R3HDM2: variants seen among roughly 807,000 people sequenced by gnomAD.
R3HDM2 encodes R3H domain-containing protein 2.
Under a neutral mutation model 124.5 loss-of-function variants are expected in R3HDM2, and 38 were observed. The ratio of observed to expected loss-of-function variants is 0.31; its 90% CI spans 0.24 to 0.40. The LOEUF (loss-of-function observed/expected upper bound fraction) is 0.40, where lower values mean the gene tolerates loss of function less well. Among genes scored for constraint, R3HDM2 ranks in the 10% least tolerant of loss-of-function variants. R3HDM2 has a pLI of 1.00. For synonymous variants in R3HDM2, 391 were observed against 448.0 expected (o/e 0.87, Z 1.61); for missense variants, 869 against 1,236.9 (o/e 0.70, Z 4.46).
In R3HDM2 at chr12:57,296,597, G is replaced by A. The variant is rs2049935321; in HGVS notation, c.561-46C>T. On this transcript the variant is annotated intron_variant, in intron 8 of 23. Coordinates refer to ENST00000402412, the MANE Select transcript of R3HDM2 (RefSeq NM_001394031.1). This position sits in a 1 kb window ranked among gnomAD's most constrained non-coding sequence, Gnocchi z 4.5. ...AAAAAGTGAAATAAGACAAACAACT[G>A]CAATAACAACCAATTTTAATTTTTC... is the stretch of plus-strand genomic sequence containing the variant. 2 of 1,528,230 alleles carry A rather than the reference G, an allele frequency of 1.3e-6. No individual in the cohort carries two copies. The highest frequency in any genetic ancestry group is 2.4e-5 in the South Asian group (2 of 82,310). 94.7% of individuals were successfully genotyped at this position (1,528,230 alleles called of 1,614,324 possible).
chr12:57,298,057 C>A, intron 7 of R3HDM2, 33 bp downstream of exon 7: 1 of 1,474,506 alleles, frequency 6.8e-7, no homozygotes, highest in Non-Finnish European at 9.3e-7. Flanking sequence ...TATCCCCTAA[C>A]CCCTTTTCCT....
Position 57,254,501 on chromosome 12 carries a change from CAAAA to C in R3HDM2, c.*268_*271del, listed in dbSNP as rs67514723. ...GGGTGACAAGAGCGAAACTCCGTCTCAAAAAAAAAAAAAAAAAAAAAAAGAAGAG... is the reference window on the plus strand; with the variant it reads ...GGGTGACAAGAGCGAAACTCCGTCTCAAAAAAAAAAAAAAAAAAAGAAGAG... On this transcript the variant is annotated 3_prime_UTR_variant, in exon 24 of 24. Transcript: ENST00000402412. 8.5e-3 allele frequency: 865 copies of C among 101,330 alleles called. No individual in the cohort carries two copies. Among genetic ancestry groups the C allele is most frequent in the South Asian group, 0.015 (87 of 5,982 alleles). The allele number at this position is 101,330 out of a possible 1,614,324, so 6.3% of individuals were successfully genotyped here. A position where few individuals can be genotyped will look rare whatever the true frequency, so the allele number is the denominator to read the frequency against.
rs2070630108 is a variant in R3HDM2 at position 57,425,275 on chromosome 12, A to AG, written c.-106+5444_-106+5445insC. On this transcript the variant is annotated intron_variant, in intron 1 of 23. Transcript: ENST00000402412. ...CAACAAGAGCGAAACTCCGTCTCAA[A>AG]AAAAAAAAAAAATTATTCACAAAAT... is the stretch of plus-strand genomic sequence containing the variant. 1.3e-5 allele frequency among the ~76,000 whole-genome samples: 2 copies of AG among 151,798 alleles called. 1 individual carries two copies. The highest frequency in any genetic ancestry group is 4.1e-4 in the South Asian group (2 of 4,824).
chr12:57,414,501 A>C lies in R3HDM2; in HGVS notation c.-106+16219T>G, dbSNP rs1306522664. Among the ~76,000 whole-genome samples the C allele has an allele frequency of 5.3e-4, 79 of 149,064 alleles. 1 individual carries two copies. Among genetic ancestry groups the C allele is most frequent in the Non-Finnish European group, 5.5e-4 (37 of 67,224 alleles). ...AAGACTCCATTAAAAAAAAAAAAAA[A>C]AAAAAAAAACGAAAAAACCAAAAAC... On this transcript the variant is annotated intron_variant, in intron 1 of 23. Coordinates refer to ENST00000402412, the MANE Select transcript of R3HDM2 (RefSeq NM_001394031.1).
In R3HDM2 at chr12:57,348,693, CAAAAAAAAAA is replaced by C. The variant is rs1168127324; in HGVS notation, c.-35-38240_-35-38231del. Among the ~76,000 whole-genome samples, 10 of 25,150 alleles carry C rather than the reference CAAAAAAAAAA, an allele frequency of 4.0e-4. 1 individual carries two copies. The highest frequency in any genetic ancestry group is 1.2e-3 in the African/African-American group (7 of 6,080). The allele number at this position is 25,150 out of a possible 152,430, so 16.5% of individuals were successfully genotyped here. A position where few individuals can be genotyped will look rare whatever the true frequency, so the allele number is the denominator to read the frequency against. ...TGGGCGACAGAGCGAGACTCCGTCT[CAAAAAAAAAA>C]AAAAAAAAAAAAAAAAAAGAGAGAG... On this transcript the variant is annotated intron_variant, in intron 2 of 23. Transcript: ENST00000402412.
intron 2 of R3HDM2, among the ~76,000 whole-genome samples, chr12:57,343,714 G>A (rs1307759534): frequency 7.1e-6 from 1 of 140,480 alleles, no homozygotes; most frequent in Non-Finnish European, 1.5e-5. Context: ...CAGGAACTAA[G>A]ATAAGCTCTA....
intron 1 of R3HDM2, among the ~76,000 whole-genome samples, chr12:57,410,897 A>G (rs2068945873): frequency 6.6e-6 from 1 of 152,154 alleles, no homozygotes; most frequent in African/African-American, 2.4e-5. Flanking sequence ...TAATTTGGAG[A>G]GACAGTAGGG....
chr12:57,324,138 C>T (rs911933576), intron 2 of R3HDM2, among the ~76,000 whole-genome samples: 35 of 152,284 alleles, frequency 2.3e-4, no homozygotes, highest in East Asian at 1.9e-4. Context: ...CTGCCATAAC[C>T]GATGACCTTA....
At position 57,310,179 on chromosome 12, in the gene R3HDM2, C is replaced by A. The variant is rs2053611598; in HGVS notation, c.165+85G>T. On this transcript the variant is annotated intron_variant, in intron 3 of 23. Transcript: ENST00000402412. Reference sequence around the variant, plus strand: ...GGGCCCTAATTGTGCCACTGCACTCCAGGTTGGGTAACAGACAGAGCTGGG... The same window carrying A: ...GGGCCCTAATTGTGCCACTGCACTCAAGGTTGGGTAACAGACAGAGCTGGG... 5 of 1,009,594 alleles carry A rather than the reference C, an allele frequency of 5.0e-6. No homozygotes were observed. In the Admixed American group the frequency reaches 1.4e-4, roughly 27 times the overall value. The allele number at this position is 1,009,594 out of a possible 1,614,324, so 62.5% of individuals were successfully genotyped here.
At chr12:57,418,834 A>G (rs2069906195) in intron 1 of R3HDM2, among the ~76,000 whole-genome samples, 1 of 152,304 alleles carries the variant, frequency 6.6e-6, no homozygotes, top group African/African-American at 2.4e-5. Context: ...AAGTCCTGGG[A>G]TAACAGGCAT....
Position 57,414,486 on chromosome 12 carries a change from TAAA to T in R3HDM2, c.-106+16231_-106+16233del, listed in dbSNP as rs534205889. Among the ~76,000 whole-genome samples the T allele has an allele frequency of 9.3e-3, 618 of 66,606 alleles. 6 individuals are homozygous for T. The highest frequency in any genetic ancestry group is 0.042 in the African/African-American group (603 of 14,234). 43.7% of individuals were successfully genotyped at this position (66,606 alleles called of 152,430 possible). On this transcript the variant is annotated intron_variant, in intron 1 of 23. Transcript: ENST00000402412. ...GCCTGGGCAAAGAGAAAGACTCCATTAAAAAAAAAAAAAAAAAAAAAAAACGAA... is the reference window on the plus strand; with the variant it reads ...GCCTGGGCAAAGAGAAAGACTCCATTAAAAAAAAAAAAAAAAAAAAACGAA...
intron 2 of R3HDM2, among the ~76,000 whole-genome samples, chr12:57,331,220 A>C (rs1487822042): frequency 1.3e-5 from 2 of 152,168 alleles, no homozygotes; most frequent in Non-Finnish European, 2.9e-5. Flanking sequence ...ATGATTGTGT[A>C]AAAACGTTGT....
chr12:57,430,488 T>TG, intron 1 of R3HDM2: 1 of 319,630 alleles, frequency 3.1e-6, no homozygotes, highest in Non-Finnish European at 4.4e-6. Flanking sequence ...GCCACCCCCC[T>TG]GCCCCCGCAC....
At chr12:57,405,127 G>A (rs935732604) in intron 1 of R3HDM2, among the ~76,000 whole-genome samples, 5 of 151,830 alleles carry the variant, frequency 3.3e-5, no homozygotes, top group African/African-American at 9.7e-5. Context: ...TCCTGGGCTC[G>A]AGTAATCTTC....
At chr12:57,408,665 A>G (rs879584525) in intron 1 of R3HDM2, among the ~76,000 whole-genome samples, 1 of 152,010 alleles carries the variant, frequency 6.6e-6, no homozygotes, top group African/African-American at 2.4e-5. Flanking sequence ...TCCTTATACC[A>G]CTCTTGTTGC....
chr12:57,345,061 C>T lies in R3HDM2; in HGVS notation c.-35-34598G>A, dbSNP rs541227273. Among the ~76,000 whole-genome samples, 16 of 152,092 alleles carry T rather than the reference C, an allele frequency of 1.1e-4. No individual in the cohort carries two copies. The South Asian group carries it at 2.9e-3, about 28-fold the overall frequency. ...GTTGGTCAGGCTGGTATCAAACTCC[C>T]GACCTCGGGTGATCTGCCTGCCTCG... On this transcript the variant is annotated intron_variant, in intron 2 of 23. Transcript: ENST00000402412.
At chr12:57,298,574 A>G (rs1232646640) in intron 6 of R3HDM2, among the ~76,000 whole-genome samples, 2 of 152,036 alleles carry the variant, frequency 1.3e-5, no homozygotes, top group African/African-American at 2.4e-5. Flanking sequence ...CTTATCAATT[A>G]TCATTTTTAT....
intron 2 of R3HDM2, among the ~76,000 whole-genome samples, chr12:57,379,856 A>G (rs1461523861): frequency 2.0e-5 from 3 of 152,068 alleles, no homozygotes; most frequent in Non-Finnish European, 4.4e-5. Flanking sequence ...TACTTCACTT[A>G]GTGCTTCCTC....
intron 2 of R3HDM2, among the ~76,000 whole-genome samples, chr12:57,325,148 T>C (rs1483413495): frequency 6.6e-6 from 1 of 152,218 alleles, no homozygotes; most frequent in Non-Finnish European, 1.5e-5. Context: ...CATGTGCTCT[T>C]TTGTTATGGC....
Sources: allele counts gnomAD v4.1 joint callset (sites outside exome capture counted in the v4.1 genomes callset), GRCh38; gene constraint gnomAD v4.1.1; non-coding constraint Gnocchi (gnomAD v3.1); transcripts MANE v1.5; gene names NCBI Gene and HGNC (gene_info 2026-07-23, HGNC 2026-07-21).